DLG2: variants seen among roughly 807,000 people sequenced by gnomAD.
DLG2 encodes the protein discs large MAGUK scaffold protein 2.
DLG2 carries 45 observed loss-of-function variants against 132.5 expected under a neutral mutation model. The observed-to-expected ratio is 0.34, with a 90% confidence interval of 0.27 to 0.44. The LOEUF is 0.44. Ranked by LOEUF, DLG2 falls within the 20% of genes least tolerant of loss-of-function variation. DLG2 has a pLI of 1.00. For synonymous variants in DLG2, 424 were observed against 419.6 expected (o/e 1.01, Z -0.13); for missense variants, 1,045 against 1,196.9 (o/e 0.87, Z 1.87).
chr11:83,714,898 A>G (rs1395722659), intron 18 of DLG2, among the ~76,000 whole-genome samples: 3 of 152,184 alleles, frequency 2.0e-5, no homozygotes, highest in African/African-American at 7.2e-5. Context: ...TGACCCAGCA[A>G]TCCCATTACT....
Position 83,727,395 on chromosome 11 carries a change from A to C in DLG2, c.1825+59295T>G, listed in dbSNP as rs912036790. ...GGTCCCTCTCCACCTTCCACTCCCCACCACCCAAGGCTAATGTGGTGCACA... is the reference window on the plus strand; with the variant it reads ...GGTCCCTCTCCACCTTCCACTCCCCCCCACCCAAGGCTAATGTGGTGCACA... On this transcript the variant is annotated intron_variant, in intron 18 of 27. Transcript: ENST00000376104. Among the ~76,000 whole-genome samples the C allele has an allele frequency of 4.6e-5, 7 of 152,204 alleles. 1 individual carries two copies. In the South Asian group the frequency reaches 1.5e-3, roughly 32 times the overall value.
At chr11:85,173,059 T>C (rs973340679) in intron 4 of DLG2, among the ~76,000 whole-genome samples, 1 of 152,096 alleles carries the variant, frequency 6.6e-6, no homozygotes, top group African/African-American at 2.4e-5. Flanking sequence ...CAGAATATCA[T>C]CCAGGAGAAC....
At chr11:83,767,149 G>A (rs1356237377) in intron 18 of DLG2, among the ~76,000 whole-genome samples, 3 of 152,252 alleles carry the variant, frequency 2.0e-5, no homozygotes, top group African/African-American at 2.4e-5. Context: ...ATAAGGTGAC[G>A]TAATCATAGG....
intron 6 of DLG2, among the ~76,000 whole-genome samples, chr11:84,946,384 A>G (rs575646190): frequency 2.5e-4 from 38 of 152,164 alleles, no homozygotes; most frequent in Admixed American, 2.5e-3. Flanking sequence ...TCTGGCAACA[A>G]CTGATGCTTA....
At chr11:85,477,863 C>T (rs755551754) in intron 3 of DLG2, among the ~76,000 whole-genome samples, 4 of 152,068 alleles carry the variant, frequency 2.6e-5, no homozygotes, top group Admixed American at 6.6e-5. Context: ...GTATTCATAG[C>T]GTTTCTTTTG....
At chr11:85,441,946 T>C (rs2091800886) in intron 3 of DLG2, among the ~76,000 whole-genome samples, 1 of 151,992 alleles carries the variant, frequency 6.6e-6, no homozygotes, top group Non-Finnish European at 1.5e-5. Flanking sequence ...AAAGGAAGGA[T>C]TTTCTGACTT....
At chr11:85,183,601 C>G (rs1175103422) in intron 4 of DLG2, among the ~76,000 whole-genome samples, 1 of 151,878 alleles carries the variant, frequency 6.6e-6, no homozygotes, top group African/African-American at 2.4e-5. Context: ...ACCATTTTAA[C>G]ATAAACACTA....
chr11:85,340,183 T>C (rs1195948392), intron 3 of DLG2, among the ~76,000 whole-genome samples: 1 of 152,188 alleles, frequency 6.6e-6, no homozygotes. Flanking sequence ...TAAAGACACA[T>C]GCACACATAT....
chr11:83,652,818 T>C (rs2071012291), intron 18 of DLG2, among the ~76,000 whole-genome samples: 1 of 152,248 alleles, frequency 6.6e-6, no homozygotes, highest in Non-Finnish European at 1.5e-5. Flanking sequence ...TTGATAAGAC[T>C]AATAAGTTAT....
At chr11:84,629,060 A>T (rs887680005) in intron 6 of DLG2, among the ~76,000 whole-genome samples, 1 of 152,226 alleles carries the variant, frequency 6.6e-6, no homozygotes, top group East Asian at 1.9e-4. Context: ...TCCAAATTAC[A>T]TATTGCACAG....
At chr11:85,341,389 G>A (rs770558264) in intron 3 of DLG2, among the ~76,000 whole-genome samples, 15 of 152,136 alleles carry the variant, frequency 9.9e-5, no homozygotes, top group Non-Finnish European at 1.9e-4. Context: ...CAAAGTGCTG[G>A]GATTACAGGC....
chr11:84,533,667 A>G (rs922304315), intron 7 of DLG2, among the ~76,000 whole-genome samples: 12 of 152,170 alleles, frequency 7.9e-5, no homozygotes, highest in Admixed American at 3.3e-4. Flanking sequence ...AGACACTTTT[A>G]TGTCTTTATT....
At chr11:84,961,558 GTGTGTGTGTA>G (rs1450259340) in intron 6 of DLG2, among the ~76,000 whole-genome samples, 1 of 149,492 alleles carries the variant, frequency 6.7e-6, no homozygotes, top group African/African-American at 2.5e-5. Context: ...GTGTGTGTGT[GTGTGTGTGTA>G]TGTGTATGCA....
intron 6 of DLG2, chr11:84,640,106 C>G (rs1445633199): frequency 3.2e-6 from 1 of 312,788 alleles, no homozygotes; most frequent in East Asian, 9.2e-5. Flanking sequence ...GAAGGGACTT[C>G]TGTCATATCA....
At position 85,126,425 on chromosome 11, in the gene DLG2, A is replaced by C. The variant is rs190367043; in HGVS notation, c.283-14690T>G. ...AGCTGGATGGAATACTTAATAAAAG[A>C]AAGTTAAGCTATTATATTAATGGCA... On this transcript the variant is annotated intron_variant, in intron 5 of 27. Coordinates refer to ENST00000376104, the MANE Select transcript of DLG2 (RefSeq NM_001142699.3). 7.7e-4 allele frequency among the ~76,000 whole-genome samples: 118 copies of C among 152,306 alleles called. 3 individuals carry two copies. In the East Asian group the frequency reaches 0.015, roughly 20 times the overall value.
chr11:85,428,278 T>C (rs1184101141), intron 3 of DLG2, among the ~76,000 whole-genome samples: 2 of 152,186 alleles, frequency 1.3e-5, no homozygotes, highest in Non-Finnish European at 2.9e-5. Context: ...CAAGTGGACC[T>C]AATAGACATC....
intron 4 of DLG2, among the ~76,000 whole-genome samples, chr11:85,220,259 C>T (rs2074545547): frequency 6.6e-6 from 1 of 151,950 alleles, no homozygotes; most frequent in South Asian, 2.1e-4. Flanking sequence ...GGAAATGTTG[C>T]ACTGTTTAAC....
intron 11 of DLG2, among the ~76,000 whole-genome samples, chr11:84,002,995 T>A (rs2094427288): frequency 6.6e-6 from 1 of 152,180 alleles, no homozygotes; most frequent in Non-Finnish European, 1.5e-5. Context: ...AGCACCCAGG[T>A]CACAACTTGA....
chr11:85,158,213 G>A lies in DLG2; in HGVS notation c.187-3562C>T, dbSNP rs1181790103. Among the ~76,000 whole-genome samples, 3 of 152,152 alleles carry A rather than the reference G, an allele frequency of 2.0e-5. No individual in the cohort carries two copies. In the East Asian group the frequency reaches 5.8e-4, roughly 29 times the overall value. ...AGGCATGGGAATGGATATTAAGGGT[G>A]TGCGATAATGGTGGAAGGAACATAG... is the stretch of plus-strand genomic sequence containing the variant. On this transcript the variant is annotated intron_variant, in intron 4 of 27. Coordinates refer to ENST00000376104, the MANE Select transcript of DLG2 (RefSeq NM_001142699.3).
Sources: allele counts gnomAD v4.1 joint callset (sites outside exome capture counted in the v4.1 genomes callset), GRCh38; gene constraint gnomAD v4.1.1; transcripts MANE v1.5; gene names NCBI Gene and HGNC (gene_info 2026-07-23, HGNC 2026-07-21).